PRDX6: variants seen among roughly 807,000 people sequenced by gnomAD.
The protein encoded by PRDX6 is peroxiredoxin-6.
A neutral mutation model predicts 20.0 loss-of-function variants in PRDX6; 13 were observed. The ratio of observed to expected loss-of-function variants is 0.65; its 90% CI spans 0.42 to 1.03. The LOEUF (loss-of-function observed/expected upper bound fraction) is 1.03, where lower values mean the gene tolerates loss of function less well. Ranked by LOEUF, PRDX6 falls within the 50% of genes least tolerant of loss-of-function variation. PRDX6 has a pLI of 0.00. For missense variants in PRDX6, 203 were observed against 276.9 expected (o/e 0.73, Z 1.89); for synonymous variants, 85 against 100.8 (o/e 0.84, Z 0.94).
chr1:173,477,949 C>A (rs1252195142), intron 1 of PRDX6, among the ~76,000 whole-genome samples: 1 of 152,208 alleles, frequency 6.6e-6, no homozygotes. Flanking sequence ...CAGGGTCGCA[C>A]CGCCCTCCCA....
rs745933482 is a variant in PRDX6 at position 173,486,424 on chromosome 1, G to T, written c.546+23G>T. The T allele has an allele frequency of 1.9e-5, 30 of 1,593,278 alleles. 1 individual carries two copies. In the South Asian group the frequency reaches 3.0e-4, roughly 16 times the overall value. ...AAGGTAAAGATGTTTTTAAAAAGCA[G>T]TTTCTCTACTTGCCTGAAGGGCCAG... On this transcript the variant is annotated intron_variant, in intron 4 of 4. Coordinates refer to ENST00000340385, the MANE Select transcript of PRDX6 (RefSeq NM_004905.3).
chr1:173,484,187 CACACAT>C (rs1184798658), intron 2 of PRDX6, among the ~76,000 whole-genome samples: 4 of 142,702 alleles, frequency 2.8e-5, no homozygotes, highest in African/African-American at 7.9e-5. Context: ...TACACACACA[CACACAT>C]ACATATATAT....
At chr1:173,477,586 C>T in intron 1 of PRDX6, 94 bp downstream of exon 1, 1 of 1,082,170 alleles carries the variant, frequency 9.2e-7, no homozygotes, top group Non-Finnish European at 1.3e-6. Flanking sequence ...CTCCCGGCCG[C>T]TCAGCCCCCT....
Position 173,485,268 on chromosome 1 carries a change from T to C in PRDX6, c.253-93T>C, listed in dbSNP as rs530346792. ...AGAAAATTACTGTGATTTGGTCCTC[T>C]TTCCTGTCTTGCAAGGTGATGGCTG... is the stretch of plus-strand genomic sequence containing the variant. On this transcript the variant is annotated intron_variant, in intron 2 of 4. Transcript: ENST00000340385. 1.1e-4 allele frequency: 137 copies of C among 1,274,464 alleles called. 1 individual carries two copies. The African/African-American group carries it at 1.8e-3, about 17-fold the overall frequency. The allele number at this position is 1,274,464 out of a possible 1,614,324, so 78.9% of individuals were successfully genotyped here.
intron 2 of PRDX6, chr1:173,481,976 A>G (rs1230149973): frequency 1.3e-5 from 2 of 158,984 alleles, no homozygotes. Context: ...CCTACCTAGC[A>G]TCTCTCCTGG....
Position 173,487,969 on chromosome 1 carries a change from T to C in PRDX6, c.*106T>C. 7.0e-7 allele frequency: 1 copy of C among 1,420,182 alleles called. No individual in the cohort carries two copies. The highest frequency in any genetic ancestry group is 9.6e-7 in the Non-Finnish European group (1 of 1,043,240). The allele number at this position is 1,420,182 out of a possible 1,614,324, so 88.0% of individuals were successfully genotyped here. Reference sequence around the variant, plus strand: ...TCCTGGTGTCATCACAGCCAAGGTTTTTAGGTTGCTATACCAATGGCTTAT... The same window carrying C: ...TCCTGGTGTCATCACAGCCAAGGTTCTTAGGTTGCTATACCAATGGCTTAT... On this transcript the variant is annotated 3_prime_UTR_variant, in exon 5 of 5. Coordinates refer to ENST00000340385, the MANE Select transcript of PRDX6 (RefSeq NM_004905.3).
intron 1 of PRDX6, among the ~76,000 whole-genome samples, chr1:173,477,866 G>GCAGGTTTACTAAGTAACTTAGTAAAC (rs1249112734): frequency 6.6e-6 from 1 of 152,238 alleles, no homozygotes; most frequent in Non-Finnish European, 1.5e-5. Flanking sequence ...TTAGTAAACT[G>GCAGGTTTACTAAGTAACTTAGTAAAC]TGCAGGTAGC....
chr1:173,481,859 T>C (rs1658806901), intron 2 of PRDX6: 1 of 211,616 alleles, frequency 4.7e-6, no homozygotes, highest in African/African-American at 2.3e-5. Flanking sequence ...CTGTCTGCAC[T>C]CTTTCCCTTG....
chr1:173,481,179 A>G (rs1658794918), intron 1 of PRDX6, 147 bp from the exon 2 acceptor site: 1 of 796,176 alleles, frequency 1.3e-6, no homozygotes, highest in East Asian at 2.7e-5. Context: ...AGCACTCCTC[A>G]ACAGAAAAGC....
intron 1 of PRDX6, among the ~76,000 whole-genome samples, chr1:173,477,837 G>T (rs1005647698): frequency 6.6e-6 from 1 of 152,254 alleles, no homozygotes; most frequent in South Asian, 2.1e-4. Context: ...GGGAGGGTTT[G>T]TTGTCCATTT....
intron 4 of PRDX6, 87 bp from the exon 5 acceptor site, chr1:173,487,648 T>C (rs1658921808): frequency 2.7e-5 from 39 of 1,463,348 alleles, no homozygotes; most frequent in Admixed American, 3.6e-5. Context: ...CATTAGCACC[T>C]GTAGCTACTT....
intron 2 of PRDX6, among the ~76,000 whole-genome samples, chr1:173,484,986 T>C (rs1413493811): frequency 6.6e-6 from 1 of 152,214 alleles, no homozygotes; most frequent in Non-Finnish European, 1.5e-5. Context: ...AACAAACCTA[T>C]TGTTATCTGA....
chr1:173,486,201 G>A (rs1004036781), intron 3 of PRDX6, 54 bp from the exon 4 acceptor site: 4 of 1,460,064 alleles, frequency 2.7e-6, no homozygotes, highest in Non-Finnish European at 3.7e-6. Context: ...TTTCTAAGTG[G>A]CTTTAATAAC....
chr1:173,477,422 G>C lies in PRDX6; in HGVS notation c.25G>C (p.Asp9His), dbSNP rs377315650. ...CATGCCCGGAGGTCTGCTTCTCGGG[G>C]ACGTGGCTCCCAACTTTGAGGCCAA... MPGGLLLG[D>H]VAPNFEANTT... The change falls in exon 1 of 5, where the codon GAC (aspartate) becomes CAC (histidine). Residue 9 changes from aspartate (D) to histidine (H), a missense_variant. By Grantham distance (81) the Asp-to-His change is moderately conservative (BLOSUM62 -1). Coordinates refer to ENST00000340385, the MANE Select transcript of PRDX6 (RefSeq NM_004905.3). 5.6e-6 allele frequency: 9 copies of C among 1,608,580 alleles called. No homozygotes were observed. In the Admixed American group the frequency reaches 8.4e-5, roughly 15 times the overall value.
intron 2 of PRDX6, among the ~76,000 whole-genome samples, chr1:173,482,639 A>G (rs750702953): frequency 1.3e-5 from 2 of 152,230 alleles, no homozygotes; most frequent in Admixed American, 6.5e-5. Flanking sequence ...AGGGATGTAT[A>G]CTAGAAACTA....
rs759366937 is a variant in PRDX6 at position 173,477,518 on chromosome 1, C to T, written c.95+26C>T. On this transcript the variant is annotated intron_variant, in intron 1 of 4. Coordinates refer to ENST00000340385, the MANE Select transcript of PRDX6 (RefSeq NM_004905.3). ...GTAAGTGGCCACCGCGTAGCCCTGT[C>T]CTGGCCTCGGTTGCGCCGGACTCGG... 4 of 1,572,436 alleles carry T rather than the reference C, an allele frequency of 2.5e-6. No homozygotes were observed. The African/African-American group carries it at 4.2e-5, about 16-fold the overall frequency.
At chr1:173,481,199 A>C (rs1658795353) in intron 1 of PRDX6, 127 bp from the exon 2 acceptor site, 1 of 946,116 alleles carries the variant, frequency 1.1e-6, no homozygotes, top group Non-Finnish European at 1.6e-6. Flanking sequence ...CTTAAAAGTA[A>C]ATATCATCAT....
chr1:173,484,242 T>C (rs961266406), intron 2 of PRDX6, among the ~76,000 whole-genome samples: 2 of 148,582 alleles, frequency 1.3e-5, no homozygotes, highest in African/African-American at 5.0e-5. Flanking sequence ...CACATATATA[T>C]ATGTGTGTGT....
At chr1:173,486,524 TG>T in intron 4 of PRDX6, 123 bp downstream of exon 4, 1 of 1,070,048 alleles carries the variant, frequency 9.3e-7, no homozygotes, top group South Asian at 1.8e-5. Context: ...TTTTTCCTCA[TG>T]GCTGAGTTCA....
Sources: gnomAD v4.1 joint callset for allele counts (sites outside exome capture counted in the v4.1 genomes callset) on GRCh38, gnomAD v4.1.1 for gene constraint, MANE v1.5 for transcripts, NCBI Gene and HGNC (gene_info 2026-07-23, HGNC 2026-07-21) for gene names.